The following GAREM1 variants were observed in gnomAD, a reference collection of about 807,000 sequenced individuals.
GAREM1 encodes the protein GRB2 associated regulator of MAPK1 subtype 1, also known as GRB2-associated and regulator of MAPK protein 1.
In GAREM1, 26 loss-of-function variants were observed where a neutral mutation model predicts 71.3. The ratio of observed to expected loss-of-function variants is 0.36; its 90% CI spans 0.27 to 0.51. The LOEUF is 0.51. Ranked by LOEUF, GAREM1 falls within the 20% of genes least tolerant of loss-of-function variation. The probability of loss-of-function intolerance (pLI) is 0.95; values close to 1 mark genes in which losing one functional copy is unlikely to be tolerated. For synonymous variants in GAREM1, 440 were observed against 433.2 expected (o/e 1.02, Z -0.20); for missense variants, 1,026 against 1,103.1 (o/e 0.93, Z 0.99).
At chr18:32,323,400 T>C (rs2047447956) in intron 2 of GAREM1, among the ~76,000 whole-genome samples, 2 of 152,242 alleles carry the variant, frequency 1.3e-5, no homozygotes, top group Admixed American at 1.3e-4. Flanking sequence ...TTACAGCTTT[T>C]AGCATAAGCA....
chr18:32,415,770 T>C (rs1259035206), intron 1 of GAREM1, among the ~76,000 whole-genome samples: 7 of 152,124 alleles, frequency 4.6e-5, no homozygotes, highest in African/African-American at 1.2e-4. Context: ...AGTAACCTAC[T>C]GAATGGGGGA....
chr18:32,285,650 TTC>T (rs1223270576), intron 4 of GAREM1, among the ~76,000 whole-genome samples: 1 of 152,194 alleles, frequency 6.6e-6, no homozygotes, highest in Non-Finnish European at 1.5e-5. Flanking sequence ...GACTAGAAGT[TTC>T]TCTGTCTCTT....
In GAREM1 at chr18:32,415,295, A is replaced by G. The variant is rs553642391; in HGVS notation, c.122-22260T>C. 3.3e-5 allele frequency among the ~76,000 whole-genome samples: 5 copies of G among 152,172 alleles called. No homozygotes were observed. In the East Asian group the frequency reaches 9.6e-4, roughly 29 times the overall value. On this transcript the variant is annotated intron_variant, in intron 1 of 5. Coordinates refer to ENST00000269209, the MANE Select transcript of GAREM1 (RefSeq NM_001242409.2). ...AGCATTTAAAGAAAAACTAATACCA[A>G]TCATACTCAAACTGTTCTGAAAAAA... is the stretch of plus-strand genomic sequence containing the variant.
intron 3 of GAREM1, chr18:32,290,357 A>G (rs2047068731): frequency 6.6e-6 from 1 of 152,180 alleles, no homozygotes; most frequent in African/African-American, 2.4e-5. Context: ...AAGTCAAATG[A>G]CAGACTGAAG....
intron 1 of GAREM1, among the ~76,000 whole-genome samples, chr18:32,449,909 A>G (rs1406674536): frequency 1.3e-5 from 2 of 152,156 alleles, no homozygotes; most frequent in African/African-American, 4.8e-5. Flanking sequence ...AAAGCTTAAA[A>G]GGTGAATAAT....
intron 3 of GAREM1, among the ~76,000 whole-genome samples, chr18:32,305,793 T>G (rs778030193): frequency 6.6e-6 from 1 of 152,216 alleles, no homozygotes; most frequent in Admixed American, 6.5e-5. Flanking sequence ...GTGCTGGGAT[T>G]ACATGCATGA....
chr18:32,332,383 GC>G (rs2144558803), intron 2 of GAREM1, among the ~76,000 whole-genome samples: 2 of 152,050 alleles, frequency 1.3e-5, no homozygotes, highest in Non-Finnish European at 2.9e-5. Flanking sequence ...CAGCCCCCAT[GC>G]TCACATGGGG....
At chr18:32,278,656 A>G (rs945605877) in intron 4 of GAREM1, among the ~76,000 whole-genome samples, 2 of 152,200 alleles carry the variant, frequency 1.3e-5, no homozygotes, top group Non-Finnish European at 2.9e-5. Flanking sequence ...ACACTCCCAG[A>G]TAACAAAATC....
At position 32,268,506 on chromosome 18, in the gene GAREM1, G is replaced by A. The variant is rs147573655; in HGVS notation, c.1996C>T (p.Pro666Ser). 5.0e-6 allele frequency: 8 copies of A among 1,613,994 alleles called. No individual in the cohort carries two copies. Among genetic ancestry groups the A allele is most frequent in the Non-Finnish European group, 6.8e-6 (8 of 1,180,026 alleles). Reference sequence around the variant, plus strand: ...CAGCCATCAAAATCAAAAGGTGCTGGGCAGTTTCTCTTTGGTGTGCCTGGC... The same window carrying A: ...CAGCCATCAAAATCAAAAGGTGCTGAGCAGTTTCTCTTTGGTGTGCCTGGC... ...KTPGTPKRNC[P>S]APFDFDGCEL... The change falls in exon 6 of 6, where the codon CCA becomes TCA. Residue 666 changes from proline to serine, a missense_variant. By Grantham distance (74) the Pro-to-Ser change is moderately conservative. Transcript: ENST00000269209.
chr18:32,270,902 T>G (rs926221374), intron 4 of GAREM1, among the ~76,000 whole-genome samples: 2 of 140,188 alleles, frequency 1.4e-5, no homozygotes, highest in East Asian at 2.0e-4. Flanking sequence ...GGGATGTTTT[T>G]TTTTTTTTTT....
intron 1 of GAREM1, among the ~76,000 whole-genome samples, chr18:32,395,016 G>A (rs2048237125): frequency 6.6e-6 from 1 of 152,178 alleles, no homozygotes; most frequent in African/African-American, 2.4e-5. Context: ...TTTATGGTAT[G>A]CTTTTTTCCC....
intron 1 of GAREM1, among the ~76,000 whole-genome samples, chr18:32,456,998 C>T (rs1274231404): frequency 1.3e-5 from 2 of 151,778 alleles, no homozygotes; most frequent in East Asian, 1.9e-4. Context: ...TATGTAATAG[C>T]GATGTAGGAT....
Position 32,338,658 on chromosome 18 carries a change from T to C in GAREM1, c.263-28335A>G, listed in dbSNP as rs575191401. Among the ~76,000 whole-genome samples, 5 of 152,332 alleles carry C rather than the reference T, an allele frequency of 3.3e-5. No homozygotes were observed. The South Asian group carries it at 1.0e-3, about 32-fold the overall frequency. ...TTTTGGATGTTTTGGACACTTGACA[T>C]TTAAGCTCGAGATAATCAGACTAAA... is the stretch of plus-strand genomic sequence containing the variant. On this transcript the variant is annotated intron_variant, in intron 2 of 5. Coordinates refer to ENST00000269209, the MANE Select transcript of GAREM1 (RefSeq NM_001242409.2).
At chr18:32,302,592 A>G (rs7243861) in intron 3 of GAREM1, among the ~76,000 whole-genome samples, 14,188 of 152,224 alleles carry the variant, frequency 0.093, 1,312 homozygotes, top group African/African-American at 0.24. Context: ...TATTATGCTA[A>G]GCAAAATAAG....
In GAREM1 at chr18:32,391,291, T is replaced by C. The variant is rs188892615; in HGVS notation, c.262+1604A>G. Among the ~76,000 whole-genome samples, 111 of 152,200 alleles carry C rather than the reference T, an allele frequency of 7.3e-4. 1 individual carries two copies. Among genetic ancestry groups the C allele is most frequent in the Non-Finnish European group, 1.2e-3 (81 of 68,008 alleles). ...AGAGTGGGAGGTTCACTCTTCGGAA[T>C]AGAAAAGATCAGTTTGGAGAAGTAG... On this transcript the variant is annotated intron_variant, in intron 2 of 5. Transcript: ENST00000269209.
At chr18:32,341,069 G>A (rs1255127739) in intron 2 of GAREM1, among the ~76,000 whole-genome samples, 1 of 152,066 alleles carries the variant, frequency 6.6e-6, no homozygotes, top group Non-Finnish European at 1.5e-5. Flanking sequence ...ATGTTGGTGT[G>A]CTGCACCCAT....
At chr18:32,283,208 T>C (rs1262701191) in intron 4 of GAREM1, among the ~76,000 whole-genome samples, 1 of 152,228 alleles carries the variant, frequency 6.6e-6, no homozygotes, top group Non-Finnish European at 1.5e-5. Flanking sequence ...GAGAACGGCC[T>C]CTCATATTCC....
intron 1 of GAREM1, among the ~76,000 whole-genome samples, chr18:32,431,798 A>G (rs1417424473): frequency 6.6e-6 from 1 of 152,184 alleles, no homozygotes; most frequent in Non-Finnish European, 1.5e-5. Context: ...AAAGGAAAAA[A>G]TCCTGAAAGC....
intron 1 of GAREM1, among the ~76,000 whole-genome samples, chr18:32,437,368 C>A (rs915785478): frequency 6.6e-6 from 1 of 152,146 alleles, no homozygotes; most frequent in Non-Finnish European, 1.5e-5. Flanking sequence ...AGATACTACT[C>A]CGTGCTGGGT....
Sources: gnomAD v4.1 joint callset for allele counts (sites outside exome capture counted in the v4.1 genomes callset) on GRCh38, gnomAD v4.1.1 for gene constraint, MANE v1.5 for transcripts, NCBI Gene and HGNC (gene_info 2026-07-23, HGNC 2026-07-21) for gene names.